The following IKBKB variants were observed in gnomAD, a reference collection of about 807,000 sequenced individuals.
The protein encoded by IKBKB is inhibitor of nuclear factor kappa-B kinase subunit beta.
A neutral mutation model predicts 113.6 loss-of-function variants in IKBKB; 42 were observed. That is an observed-to-expected ratio of 0.37 (90% CI 0.29 to 0.48). The LOEUF (loss-of-function observed/expected upper bound fraction) is 0.48. Ranked by LOEUF, IKBKB falls within the 20% of genes least tolerant of loss-of-function variation. IKBKB has a pLI of 0.99. For synonymous variants in IKBKB, 296 were observed against 361.3 expected (o/e 0.82, Z 2.05); for missense variants, 673 against 939.7 (o/e 0.72, Z 3.71).
Position 42,290,175 on chromosome 8 carries a change from G to T in IKBKB, c.220G>T (p.Val74Leu). The change falls in exon 4 of 22, where the codon GTG (valine) becomes TTG (leucine). Residue 74 changes from valine (V) to leucine (L), a missense_variant. Val to Leu is a conservative substitution (Grantham distance 32, BLOSUM62 1). Around this residue, in one of 2 missense-constraint regions of IKBKB, gnomAD observed 167 missense variants for 301.0 expected, o/e 0.55. Transcript: ENST00000520810. Reference sequence around the variant, plus strand: ...TCCTAGGCTGACCCACCCCAATGTGGTGGCTGCCCGAGATGTCCCTGAGGG... The same window carrying T: ...TCCTAGGCTGACCCACCCCAATGTGTTGGCTGCCCGAGATGTCCCTGAGGG... ...IMRRLTHPNV[V>L]AARDVPEGMQ... The T allele has an allele frequency of 6.2e-7, 1 of 1,613,792 alleles. No homozygotes were observed. The highest frequency in any genetic ancestry group is 8.5e-7 in the Non-Finnish European group (1 of 1,179,920).
chr8:42,305,278 A>G lies in IKBKB; in HGVS notation c.477+3A>G, dbSNP rs1188825359. 6 of 1,600,946 alleles carry G rather than the reference A, an allele frequency of 3.7e-6. No individual in the cohort carries two copies. The highest frequency in any genetic ancestry group is 1.3e-5 in the African/African-American group (1 of 74,736). ...TCCTGCAGCAAGGAGAACAGAGGGT[A>G]AGTGACCTCCTGGGACTGGGAAAGC... On this transcript the variant is annotated splice_donor_region_variant and intron_variant, in intron 6 of 21. Transcript: ENST00000520810.
At chr8:42,318,529 A>G (rs753116421) in intron 12 of IKBKB, 23 bp from the exon 13 acceptor site, 9 of 1,609,152 alleles carry the variant, frequency 5.6e-6, no homozygotes, top group Admixed American at 3.4e-5. Context: ...TTCTTTGACA[A>G]TTGCTTGTGT....
intron 2 of IKBKB, among the ~76,000 whole-genome samples, chr8:42,272,709 G>A (rs1294234288): frequency 2.0e-5 from 3 of 152,028 alleles, no homozygotes; most frequent in Non-Finnish European, 2.9e-5. Context: ...GGAGGCTGAG[G>A]CAGGCGGATC....
Position 42,329,225 on chromosome 8 carries a change from G to T in IKBKB, c.2205+11G>T. The T allele has an allele frequency of 6.4e-7, 1 of 1,551,746 alleles. No individual in the cohort carries two copies. On this transcript the variant is annotated intron_variant, in intron 21 of 21. Coordinates refer to ENST00000520810, the MANE Select transcript of IKBKB (RefSeq NM_001556.3). The stretch of plus-strand genomic sequence containing the variant: ...GACCAGAGTTTCACGGTAACAGCTT[G>T]TGTGAGACTCCTGCGATTCCATGTC...
intron 2 of IKBKB, among the ~76,000 whole-genome samples, chr8:42,272,822 C>T (rs1388514150): frequency 6.6e-6 from 1 of 151,820 alleles, no homozygotes; most frequent in Admixed American, 6.6e-5. Context: ...GCCTGTAGTC[C>T]CCAGCTACTT....
chr8:42,329,325 G>T, intron 21 of IKBKB, 111 bp downstream of exon 21: 1 of 1,379,688 alleles, frequency 7.2e-7, no homozygotes, highest in Non-Finnish European at 9.4e-7. Flanking sequence ...GTGTTTGTTT[G>T]TTTGCTTGTT....
intron 1 of IKBKB, chr8:42,271,720 G>C (rs1227517302): frequency 5.9e-6 from 3 of 509,200 alleles, no homozygotes; most frequent in African/African-American, 4.1e-5. Context: ...ACGTGACCTC[G>C]GCGATGCTCA....
intron 5 of IKBKB, among the ~76,000 whole-genome samples, chr8:42,304,815 G>A (rs1009666116): frequency 6.6e-6 from 1 of 152,214 alleles, no homozygotes; most frequent in African/African-American, 2.4e-5. Flanking sequence ...CACCTGGAGA[G>A]TTTGTTAACA....
intron 2 of IKBKB, among the ~76,000 whole-genome samples, chr8:42,276,060 C>T (rs1186661984): frequency 3.3e-5 from 5 of 152,150 alleles, no homozygotes; most frequent in African/African-American, 4.8e-5. Flanking sequence ...AGGATGGTCT[C>T]GAATTCCTGA....
intron 6 of IKBKB, among the ~76,000 whole-genome samples, chr8:42,305,696 G>A (rs538013729): frequency 6.6e-6 from 1 of 152,296 alleles, no homozygotes; most frequent in Admixed American, 6.5e-5. Flanking sequence ...GCCAAGCCTG[G>A]TCCAGCCTAT....
intron 8 of IKBKB, among the ~76,000 whole-genome samples, chr8:42,313,229 TTGC>T (rs1818059241): frequency 6.6e-6 from 1 of 152,144 alleles, no homozygotes; most frequent in African/African-American, 2.4e-5. Context: ...AGTGAGCGAA[TTGC>T]TTGAGTCCAG....
intron 4 of IKBKB, among the ~76,000 whole-genome samples, chr8:42,291,613 A>G (rs1812658221): frequency 6.6e-6 from 1 of 152,216 alleles, no homozygotes; most frequent in Non-Finnish European, 1.5e-5. Context: ...TCCCAGACAC[A>G]CTTCAGGTGC....
chr8:42,287,301 G>A (rs1032626407), intron 2 of IKBKB, among the ~76,000 whole-genome samples: 3 of 152,248 alleles, frequency 2.0e-5, no homozygotes, highest in East Asian at 3.8e-4. Flanking sequence ...TGGTTACCTC[G>A]ATAGAGGTTA....
intron 21 of IKBKB, chr8:42,330,067 C>G: frequency 1.0e-6 from 1 of 985,398 alleles, no homozygotes; most frequent in Non-Finnish European, 1.2e-6. Context: ...TGCTTACTTG[C>G]ATGTCTGTGG....
At chr8:42,321,842 A>G (rs1819840840) in intron 16 of IKBKB, 54 bp from the exon 17 acceptor site, 3 of 1,352,118 alleles carry the variant, frequency 2.2e-6, no homozygotes, top group Non-Finnish European at 3.1e-6. Flanking sequence ...AAAAAATGTA[A>G]AAATTAGCCA....
chr8:42,279,053 G>T (rs1809793669), intron 2 of IKBKB, among the ~76,000 whole-genome samples: 1 of 152,224 alleles, frequency 6.6e-6, no homozygotes, highest in Non-Finnish European at 1.5e-5. Context: ...CTTAGTGGTG[G>T]AGTAGAGGTG....
chr8:42,316,464 G>A lies in IKBKB; in HGVS notation c.930+125G>A. On this transcript the variant is annotated intron_variant, in intron 10 of 21. Transcript: ENST00000520810. The surrounding 1 kb of genome is among the most constrained non-coding windows in gnomAD (Gnocchi z 4.5). ...TGAGGAAATTTAGGCTCCTGCATCAGTCTTTCTGCATAAGTAAAGAAAGGA... is the reference window on the plus strand; with the variant it reads ...TGAGGAAATTTAGGCTCCTGCATCAATCTTTCTGCATAAGTAAAGAAAGGA... The A allele has an allele frequency of 2.6e-6, 3 of 1,165,092 alleles. No homozygotes were observed. Among genetic ancestry groups the A allele is most frequent in the Non-Finnish European group, 3.6e-6 (3 of 825,068 alleles). 72.2% of individuals were successfully genotyped at this position (1,165,092 alleles called of 1,614,324 possible).
chr8:42,297,314 T>C (rs1020394471), intron 5 of IKBKB, among the ~76,000 whole-genome samples: 1 of 152,252 alleles, frequency 6.6e-6, no homozygotes, highest in Non-Finnish European at 1.5e-5. Flanking sequence ...CCTGAGCATA[T>C]TTTGTTCCAG....
chr8:42,289,389 T>A (rs575399450), intron 3 of IKBKB, among the ~76,000 whole-genome samples: 1 of 152,324 alleles, frequency 6.6e-6, no homozygotes, highest in South Asian at 2.1e-4. Context: ...TTAACACAGT[T>A]ATCACAGTGA....
Sources: allele counts gnomAD v4.1 joint callset (sites outside exome capture counted in the v4.1 genomes callset), GRCh38; gene constraint gnomAD v4.1.1; regional missense constraint gnomAD v4.1.1; non-coding constraint Gnocchi (gnomAD v3.1); transcripts MANE v1.5; gene names NCBI Gene and HGNC (gene_info 2026-07-23, HGNC 2026-07-21).